Variants in KIAA1328 observed in about 807,000 individuals in gnomAD.
The protein encoded by KIAA1328 is protein hinderin.
Under a neutral mutation model 68.1 loss-of-function variants are expected in KIAA1328, and 52 were observed. That is an observed-to-expected ratio of 0.76 (90% CI 0.61 to 0.96). The LOEUF (loss-of-function observed/expected upper bound fraction) is 0.96. KIAA1328 is among the 40% of genes least tolerant of loss of function. KIAA1328 has a pLI of 0.00. For missense variants in KIAA1328, 641 were observed against 677.6 expected (o/e 0.95, Z 0.60); for synonymous variants, 232 against 239.4 (o/e 0.97, Z 0.28).
chr18:37,165,720 T>A (rs1250640046), intron 8 of KIAA1328, among the ~76,000 whole-genome samples: 1 of 151,114 alleles, frequency 6.6e-6, no homozygotes, highest in Non-Finnish European at 1.5e-5. Flanking sequence ...GGGTCCCGAG[T>A]AGCTGGGACT....
chr18:37,179,504 G>A (rs1486304295), intron 9 of KIAA1328, among the ~76,000 whole-genome samples: 2 of 151,982 alleles, frequency 1.3e-5, no homozygotes, highest in African/African-American at 4.8e-5. Context: ...CTCATGCCTT[G>A]CTGAGCTTTC....
At chr18:37,142,352 T>C (rs776613730) in intron 7 of KIAA1328, among the ~76,000 whole-genome samples, 2 of 151,740 alleles carry the variant, frequency 1.3e-5, no homozygotes, top group Admixed American at 6.6e-5. Flanking sequence ...CCACCACACC[T>C]GGCTAATTTT....
chr18:36,881,791 T>A (rs1240542260), intron 4 of KIAA1328, among the ~76,000 whole-genome samples: 1 of 152,248 alleles, frequency 6.6e-6, no homozygotes, highest in African/African-American at 2.4e-5. Context: ...TATTACTACC[T>A]AATTTCTCTT....
chr18:37,097,534 T>G (rs2057450838), intron 7 of KIAA1328, among the ~76,000 whole-genome samples: 1 of 152,222 alleles, frequency 6.6e-6, no homozygotes, highest in African/African-American at 2.4e-5. Context: ...TTCTTTTGGC[T>G]TAGGATTGAC....
chr18:37,049,700 C>G (rs1360530514), intron 6 of KIAA1328, among the ~76,000 whole-genome samples: 1 of 152,102 alleles, frequency 6.6e-6, no homozygotes, highest in African/African-American at 2.4e-5. Flanking sequence ...AAGAAATGAA[C>G]ATACAGGCTT....
intron 6 of KIAA1328, among the ~76,000 whole-genome samples, chr18:36,971,567 T>C (rs2052213320): frequency 1.3e-5 from 2 of 152,108 alleles, no homozygotes; most frequent in South Asian, 4.1e-4. Context: ...AGGCAGAGGT[T>C]GTGGTGAGCT....
chr18:37,163,797 G>C (rs1195164338), intron 8 of KIAA1328, among the ~76,000 whole-genome samples: 1 of 152,254 alleles, frequency 6.6e-6, no homozygotes, highest in South Asian at 2.1e-4. Flanking sequence ...TTACCATCAA[G>C]AGCATTATTA....
intron 7 of KIAA1328, among the ~76,000 whole-genome samples, chr18:37,145,488 C>T (rs1306023408): frequency 6.6e-6 from 1 of 152,094 alleles, no homozygotes; most frequent in Non-Finnish European, 1.5e-5. Context: ...TTGTTCACTT[C>T]TTCTTTAGCC....
chr18:37,017,392 A>G (rs1413810183), intron 6 of KIAA1328, among the ~76,000 whole-genome samples: 2 of 152,128 alleles, frequency 1.3e-5, no homozygotes, highest in African/African-American at 2.4e-5. Flanking sequence ...AATGTAGTCA[A>G]TCTTTTAGTA....
intron 7 of KIAA1328, among the ~76,000 whole-genome samples, chr18:37,105,501 G>GAAAA (rs376818867): frequency 2.0e-5 from 2 of 100,328 alleles, no homozygotes; most frequent in Admixed American, 1.2e-4. Context: ...CTTTTTGAAG[G>GAAAA]AAAAAAAAAA....
At chr18:36,985,251 G>T (rs924647885) in intron 6 of KIAA1328, among the ~76,000 whole-genome samples, 6 of 152,120 alleles carry the variant, frequency 3.9e-5, no homozygotes, top group African/African-American at 1.4e-4. Flanking sequence ...AGTGAGCCAG[G>T]ATCACACCAC....
chr18:36,930,710 A>C (rs77418221), intron 5 of KIAA1328, among the ~76,000 whole-genome samples: 1,697 of 152,120 alleles, frequency 0.011, 60 homozygotes, highest in African/African-American at 0.039. Context: ...TAGTCTTAGA[A>C]CAACTGGTCT....
chr18:36,928,857 A>G (rs1459461292), intron 5 of KIAA1328, among the ~76,000 whole-genome samples: 1 of 152,044 alleles, frequency 6.6e-6, no homozygotes, highest in Non-Finnish European at 1.5e-5. Flanking sequence ...ATCCAACTAT[A>G]TGTTTGATAT....
At chr18:37,187,403 G>A (rs1200805819) in intron 9 of KIAA1328, among the ~76,000 whole-genome samples, 1 of 152,104 alleles carries the variant, frequency 6.6e-6, no homozygotes, top group Non-Finnish European at 1.5e-5. Context: ...GAAACCCAGA[G>A]CCAATAATTA....
chr18:36,951,916 C>T (rs940861992), intron 5 of KIAA1328, among the ~76,000 whole-genome samples: 1 of 152,206 alleles, frequency 6.6e-6, no homozygotes, highest in African/African-American at 2.4e-5. Flanking sequence ...TAAGCCCTCT[C>T]ATCCATCCTT....
intron 6 of KIAA1328, among the ~76,000 whole-genome samples, chr18:37,051,719 T>A (rs2151667354): frequency 6.6e-6 from 1 of 152,220 alleles, no homozygotes; most frequent in African/African-American, 2.4e-5. Flanking sequence ...ATCTTCCTGA[T>A]ACCAAAATCT....
chr18:36,911,605 T>A (rs1429738161), intron 5 of KIAA1328, among the ~76,000 whole-genome samples: 3 of 152,144 alleles, frequency 2.0e-5, no homozygotes, highest in Non-Finnish European at 4.4e-5. Flanking sequence ...TCTAAAGCAT[T>A]GAGACAAGAA....
chr18:37,134,521 C>A lies in KIAA1328; in HGVS notation c.1233-25679C>A, dbSNP rs1241837469. Among the ~76,000 whole-genome samples, 9 of 152,046 alleles carry A rather than the reference C, an allele frequency of 5.9e-5. No individual in the cohort carries two copies. In the East Asian group the frequency reaches 1.7e-3, roughly 29 times the overall value. ...ATCATTGTTTTATATTTTTGCAAAT[C>A]TTTTTAATCTCTGGCTTAAAAGAAG... On this transcript the variant is annotated intron_variant, in intron 7 of 9. Transcript: ENST00000280020.
chr18:37,230,914 A>C (rs1197807996), downstream of KIAA1328: 1 of 152,202 alleles, frequency 6.6e-6, no homozygotes, highest in East Asian at 1.9e-4. Flanking sequence ...TGCACCCCTT[A>C]GAGTGGCACA....
Sources: allele counts gnomAD v4.1 joint callset (sites outside exome capture counted in the v4.1 genomes callset), GRCh38; gene constraint gnomAD v4.1.1; transcripts MANE v1.5; gene names NCBI Gene and HGNC (gene_info 2026-07-23, HGNC 2026-07-21).